SPTBN4: variants seen among roughly 807,000 people sequenced by gnomAD.
The protein encoded by SPTBN4 is spectrin beta, non-erythrocytic 4.
Under a neutral mutation model 277.8 loss-of-function variants are expected in SPTBN4, and 96 were observed. The observed-to-expected ratio is 0.35, with a 90% confidence interval of 0.29 to 0.41. The LOEUF (loss-of-function observed/expected upper bound fraction) is 0.41. Among genes scored for constraint, SPTBN4 ranks in the 10% least tolerant of loss-of-function variants. The probability of loss-of-function intolerance (pLI) is 1.00; values close to 1 mark genes in which losing one functional copy is unlikely to be tolerated. For synonymous variants in SPTBN4, 1,481 were observed against 1,580.3 expected (o/e 0.94, Z 1.49); for missense variants, 3,006 against 3,595.7 (o/e 0.84, Z 4.19).
intron 16 of SPTBN4, among the ~76,000 whole-genome samples, chr19:40,522,862 T>C (rs981088424): frequency 1.3e-5 from 2 of 151,392 alleles, no homozygotes; most frequent in African/African-American, 4.8e-5. Context: ...CTGGGTGTGG[T>C]GGCTCACGCC....
Position 40,567,767 on chromosome 19 carries a change from G to A in SPTBN4, c.6441G>A (p.Leu2147=), listed in dbSNP as rs1411414840. 1 of 1,536,714 alleles carries A rather than the reference G, an allele frequency of 6.5e-7. No individual in the cohort carries two copies. Among genetic ancestry groups the A allele is most frequent in the Non-Finnish European group, 8.8e-7 (1 of 1,141,806 alleles). ...AACTGGCGGCCAAGGCGGCGCCCCT[G>A]CTGCGGCCAGGGGGCTATGAAAGGG... The part of the protein sequence containing the change: ...PTELAAKAAP[L]LRPGGYERGL... The change falls in exon 31 of 36, where the codon CTG becomes CTA. Residue 2147 remains leucine (L), a synonymous_variant. Coordinates refer to ENST00000598249, the MANE Select transcript of SPTBN4 (RefSeq NM_020971.3).
At chr19:40,546,792 T>C (rs1319798931) in intron 20 of SPTBN4, among the ~76,000 whole-genome samples, 1 of 152,012 alleles carries the variant, frequency 6.6e-6, no homozygotes, top group Non-Finnish European at 1.5e-5. Context: ...CAGAGAGTTA[T>C]TATCTTACTA....
intron 2 of SPTBN4, among the ~76,000 whole-genome samples, chr19:40,473,363 T>G (rs2079909122): frequency 6.8e-6 from 1 of 147,790 alleles, no homozygotes; most frequent in Non-Finnish European, 1.5e-5. Context: ...TGTTTTTTTT[T>G]TTTTTTTTTT....
rs2080892071 is a variant in SPTBN4, at chr19:40,549,359, G to A, written c.4530G>A (p.Leu1510=). The A allele has an allele frequency of 1.3e-6, 2 of 1,533,686 alleles. No homozygotes were observed. The highest frequency in any genetic ancestry group is 1.7e-6 in the Non-Finnish European group (2 of 1,145,036). The change falls in exon 21 of 36, where the codon TTG becomes TTA. Residue 1510 remains leucine, a synonymous_variant. Coordinates refer to ENST00000598249, the MANE Select transcript of SPTBN4 (RefSeq NM_020971.3). ...LLEPLQERRR[L]LLASKELHQV... is the part of the protein sequence containing the mutation. The stretch of plus-strand genomic sequence containing the variant: ...AGCCGTTGCAGGAGCGCCGCCGCTT[G>A]CTGCTGGCTTCCAAGGAGTTGCACC...
rs1187166662 is a variant in SPTBN4 at position 40,572,104 on chromosome 19, C to G, written c.7405C>G (p.His2469Asp). Residue 2469 changes from histidine to aspartate, a missense_variant, in exon 34 of 36, where the codon CAC (histidine) becomes GAC (aspartate). Transcript: ENST00000598249. Reference protein sequence around the residue: ...DSKGPASGSTHGGEPLLSLHK... With the variant: ...DSKGPASGSTDGGEPLLSLHK... ...CAAGGGCCCGGCATCCGGGAGCACA[C>G]ACGGTGGGGAACCGCTGCTCAGCCT... is the stretch of plus-strand genomic sequence containing the variant. 2 of 1,613,150 alleles carry G rather than the reference C, an allele frequency of 1.2e-6. No individual in the cohort carries two copies. The highest frequency in any genetic ancestry group is 1.7e-6 in the Non-Finnish European group (2 of 1,179,604).
chr19:40,484,937 A>C (rs2080053621), intron 2 of SPTBN4, among the ~76,000 whole-genome samples: 2 of 138,462 alleles, frequency 1.4e-5, no homozygotes, highest in Admixed American at 6.8e-5. Context: ...GTCTCAAAAA[A>C]AAAACAAAAC....
intron 3 of SPTBN4, 110 bp from the exon 4 acceptor site, chr19:40,489,965 C>A: frequency 1.7e-6 from 2 of 1,180,112 alleles, no homozygotes; most frequent in Non-Finnish European, 2.3e-6. Flanking sequence ...ATCCTGGACA[C>A]TCAGGGGGCG....
intron 22 of SPTBN4, among the ~76,000 whole-genome samples, chr19:40,552,193 C>T (rs1400580215): frequency 8.6e-5 from 13 of 150,674 alleles, no homozygotes; most frequent in Admixed American, 5.3e-4. Flanking sequence ...CGGTGGCTCA[C>T]GCCTGTAATC....
At chr19:40,484,889 G>A (rs571298286) in intron 2 of SPTBN4, among the ~76,000 whole-genome samples, 3 of 151,644 alleles carry the variant, frequency 2.0e-5, no homozygotes, top group East Asian at 1.9e-4. Context: ...CTGAGATCGC[G>A]CCACTGCACT....
rs1305719041 is a variant in SPTBN4 at position 40,519,776 on chromosome 19, C to G, written c.3279C>G (p.Phe1093Leu). 1.4e-6 allele frequency: 2 copies of G among 1,416,978 alleles called. No homozygotes were observed. Among genetic ancestry groups the G allele is most frequent in the African/African-American group, 3.1e-5 (2 of 65,350 alleles). The allele number at this position is 1,416,978 out of a possible 1,614,324, so 87.8% of individuals were successfully genotyped here. A position where few individuals can be genotyped will look rare whatever the true frequency, so the allele number is the denominator to read the frequency against. ...CGGCAGCAGGGCGCCTGCAGCGCTT[C>G]CTACATGACCTCGACGCTTTCCTGG... ...AVAAAGRLQR[F>L]LHDLDAFLDW... The change falls in exon 16 of 36, where the codon TTC becomes TTG. Residue 1093 changes from phenylalanine to leucine, a missense_variant. Phe to Leu is a conservative substitution (Grantham distance 22). Transcript: ENST00000598249. The surrounding 1 kb of genome is among the most constrained non-coding windows in gnomAD (Gnocchi z 5.7).
chr19:40,552,010 C>A (rs1184292886), intron 22 of SPTBN4, among the ~76,000 whole-genome samples: 2 of 144,854 alleles, frequency 1.4e-5, no homozygotes, highest in African/African-American at 5.1e-5. Context: ...AAAAAAAAAA[C>A]ATCGATTAAA....
chr19:40,530,314 A>C (rs2080649274), intron 18 of SPTBN4, among the ~76,000 whole-genome samples: 1 of 152,026 alleles, frequency 6.6e-6, no homozygotes, highest in African/African-American at 2.4e-5. Flanking sequence ...ATCAGGCAGC[A>C]ATCATCTGAG....
At chr19:40,539,690 G>A (rs1243729638) in intron 20 of SPTBN4, among the ~76,000 whole-genome samples, 4 of 151,718 alleles carry the variant, frequency 2.6e-5, no homozygotes, top group African/African-American at 9.7e-5. Flanking sequence ...ATGTTGGCCA[G>A]GCTGGTCTCA....
At position 40,570,418 on chromosome 19, in the gene SPTBN4, C is replaced by G; in HGVS notation, c.7027-18C>G. The stretch of plus-strand genomic sequence containing the variant: ...CCTCTCCATGGACAGCACCCCTCTT[C>G]CCCCTCCCTTCACACAGCCGTCGCT... On this transcript the variant is annotated intron_variant, in intron 32 of 35. Coordinates refer to ENST00000598249, the MANE Select transcript of SPTBN4 (RefSeq NM_020971.3). 2.6e-6 allele frequency: 4 copies of G among 1,545,188 alleles called. No homozygotes were observed. Among genetic ancestry groups the G allele is most frequent in the Non-Finnish European group, 3.5e-6 (4 of 1,152,454 alleles).
chr19:40,532,173 A>G (rs1274554817), intron 18 of SPTBN4, among the ~76,000 whole-genome samples: 1 of 149,556 alleles, frequency 6.7e-6, no homozygotes, highest in Non-Finnish European at 1.5e-5. Context: ...AGGCTCTTGA[A>G]TTGGTCCTTA....
chr19:40,526,879 G>A (rs79433273), intron 17 of SPTBN4, among the ~76,000 whole-genome samples: 12,611 of 152,220 alleles, frequency 0.083, 635 homozygotes, highest in South Asian at 0.16. Flanking sequence ...GTGAGCCATC[G>A]TGCCCGGCCT....
chr19:40,514,139 T>C (rs2080426858), intron 14 of SPTBN4, among the ~76,000 whole-genome samples: 1 of 152,138 alleles, frequency 6.6e-6, no homozygotes, highest in African/African-American at 2.4e-5. Context: ...CAATGCCTAT[T>C]CCCCCTCTGC....
At chr19:40,495,016 GCCCCCCATAT>G (rs1327307292) in intron 6 of SPTBN4, 39 bp downstream of exon 6, 19 of 1,591,068 alleles carry the variant, frequency 1.2e-5, no homozygotes, top group Admixed American at 5.0e-5. Context: ...CTGCCCTTCA[GCCCCCCATAT>G]CCCTGCAGCT....
chr19:40,570,868 G>A (rs1178749467), intron 33 of SPTBN4, 140 bp downstream of exon 33: 1 of 944,300 alleles, frequency 1.1e-6, no homozygotes, highest in East Asian at 3.3e-5. Context: ...CCAGAGCTGG[G>A]GGGTGGTGGT....
Sources: gnomAD v4.1 joint callset for allele counts (sites outside exome capture counted in the v4.1 genomes callset) on GRCh38, gnomAD v4.1.1 for gene constraint, Gnocchi (gnomAD v3.1) non-coding constraint, MANE v1.5 for transcripts, NCBI Gene and HGNC (gene_info 2026-07-23, HGNC 2026-07-21) for gene names.